FNDC3B: variants seen among roughly 807,000 people sequenced by gnomAD.
FNDC3B encodes fibronectin type III domain-containing protein 3B.
Under a neutral mutation model 151.5 loss-of-function variants are expected in FNDC3B, and 12 were observed. The ratio of observed to expected loss-of-function variants is 0.08; its 90% confidence interval spans 0.05 to 0.13. The LOEUF (loss-of-function observed/expected upper bound fraction) is 0.13, where lower values mean the gene tolerates loss of function less well. Ranked by LOEUF, FNDC3B falls within the 10% of genes least tolerant of loss-of-function variation. The pLI is 1.00. For synonymous variants in FNDC3B, 528 were observed against 549.0 expected (o/e 0.96, Z 0.54); for missense variants, 1,214 against 1,505.3 (o/e 0.81, Z 3.20).
chr3:172,289,548 T>C (rs1021379616), intron 7 of FNDC3B, among the ~76,000 whole-genome samples: 2 of 152,280 alleles, frequency 1.3e-5, no homozygotes, highest in African/African-American at 4.8e-5. Flanking sequence ...TAGTTGTTTA[T>C]GCAGTTTCTG....
intron 6 of FNDC3B, among the ~76,000 whole-genome samples, chr3:172,257,808 T>G (rs1211178042): frequency 6.6e-6 from 1 of 152,176 alleles, no homozygotes; most frequent in African/African-American, 2.4e-5. Context: ...ACCTACTGAA[T>G]ACAGGCTGTG....
intron 9 of FNDC3B, among the ~76,000 whole-genome samples, chr3:172,301,489 A>C (rs1158681206): frequency 6.6e-6 from 1 of 152,214 alleles, no homozygotes; most frequent in Non-Finnish European, 1.5e-5. Flanking sequence ...ATAAGGCCTC[A>C]AAAGGCCGTG....
chr3:172,117,248 G>C (rs1178890173), intron 2 of FNDC3B, among the ~76,000 whole-genome samples: 1 of 152,086 alleles, frequency 6.6e-6, no homozygotes, highest in African/African-American at 2.4e-5. Context: ...ATGCCTAATT[G>C]TATACTATTG....
chr3:172,249,046 G>A (rs1727932988), intron 5 of FNDC3B, among the ~76,000 whole-genome samples: 1 of 151,864 alleles, frequency 6.6e-6, no homozygotes, highest in South Asian at 2.1e-4. Context: ...AAAACATCAA[G>A]TATTGGGGAT....
intron 11 of FNDC3B, 84 bp from the exon 12 acceptor site, chr3:172,328,868 T>C: frequency 6.4e-6 from 7 of 1,101,522 alleles, no homozygotes; most frequent in Non-Finnish European, 8.8e-6. Flanking sequence ...ATTCAAGATG[T>C]TCAAGATGCT....
At chr3:172,233,179 G>A (rs1229284642) in intron 4 of FNDC3B, among the ~76,000 whole-genome samples, 1 of 152,122 alleles carries the variant, frequency 6.6e-6, no homozygotes, top group African/African-American at 2.4e-5. Flanking sequence ...AATGTTATAG[G>A]GAAAACTTCA....
At chr3:172,289,412 C>T (rs1025077162) in intron 7 of FNDC3B, among the ~76,000 whole-genome samples, 7 of 97,744 alleles carry the variant, frequency 7.2e-5, no homozygotes, top group African/African-American at 5.6e-4. Flanking sequence ...GTCCCTTTTG[C>T]CATATAAGGT....
At chr3:172,337,616 A>T in intron 16 of FNDC3B, 3 of 477,532 alleles carry the variant, frequency 6.3e-6, no homozygotes, top group South Asian at 3.2e-5. Context: ...GTGTTATTTA[A>T]CAATTTTTCT....
In FNDC3B at chr3:172,259,578, C is replaced by G. The variant is rs183120204; in HGVS notation, c.790+8037C>G. Among the ~76,000 whole-genome samples, 651 of 152,328 alleles carry G rather than the reference C, an allele frequency of 4.3e-3. 5 individuals are homozygous for G. The highest frequency in any genetic ancestry group is 6.3e-3 in the Non-Finnish European group (431 of 68,028). On this transcript the variant is annotated intron_variant, in intron 6 of 25. Transcript: ENST00000415807. ...GGAGAAATCAAACTGTGAATAACTACTTTTCTGTAAGACCCCTTTATGATG... is the reference window on the plus strand; with the variant it reads ...GGAGAAATCAAACTGTGAATAACTAGTTTTCTGTAAGACCCCTTTATGATG...
intron 3 of FNDC3B, among the ~76,000 whole-genome samples, chr3:172,183,741 G>A (rs370597818): frequency 1.3e-5 from 2 of 152,094 alleles, no homozygotes; most frequent in African/African-American, 2.4e-5. Context: ...AACTGTAGGC[G>A]GGATGTGTTT....
chr3:172,372,566 T>C (rs1054946383), intron 23 of FNDC3B, among the ~76,000 whole-genome samples: 6 of 152,184 alleles, frequency 3.9e-5, no homozygotes, highest in African/African-American at 1.4e-4. Flanking sequence ...CCAAATTAGA[T>C]GAGTGATTTA....
chr3:172,149,761 A>G (rs1415599932), intron 3 of FNDC3B, among the ~76,000 whole-genome samples: 1 of 146,554 alleles, frequency 6.8e-6, no homozygotes, highest in East Asian at 2.0e-4. Context: ...TGTTTTAATA[A>G]TTGCTACTTT....
intron 3 of FNDC3B, among the ~76,000 whole-genome samples, chr3:172,206,531 C>A (rs563135695): frequency 6.6e-6 from 1 of 151,634 alleles, no homozygotes; most frequent in African/African-American, 2.4e-5. Context: ...TGGTGGCGGG[C>A]GCCTGTAATC....
At chr3:172,255,595 C>T (rs111481173) in intron 6 of FNDC3B, among the ~76,000 whole-genome samples, 2,035 of 152,108 alleles carry the variant, frequency 0.013, 30 homozygotes, top group South Asian at 0.034. Flanking sequence ...TTAGTAAAGG[C>T]GGGGTTTTGC....
At chr3:172,394,198 G>A (rs992187347) in intron 25 of FNDC3B, among the ~76,000 whole-genome samples, 3 of 141,554 alleles carry the variant, frequency 2.1e-5, no homozygotes, top group Non-Finnish European at 4.6e-5. Context: ...ACATCAAAAA[G>A]CAAGAGAGAT....
chr3:172,324,697 A>C (rs1732254443), intron 11 of FNDC3B, among the ~76,000 whole-genome samples: 1 of 152,218 alleles, frequency 6.6e-6, no homozygotes, highest in Non-Finnish European at 1.5e-5. Context: ...GCTCACAGAC[A>C]CTGGCAGTAG....
chr3:172,339,922 A>C (rs1289511357), intron 16 of FNDC3B, among the ~76,000 whole-genome samples: 1 of 152,222 alleles, frequency 6.6e-6, no homozygotes, highest in East Asian at 1.9e-4. Context: ...CTCTGTTGTG[A>C]ATCTAAACTA....
At chr3:172,335,996 A>C (rs1002146048) in intron 15 of FNDC3B, among the ~76,000 whole-genome samples, 3 of 152,188 alleles carry the variant, frequency 2.0e-5, no homozygotes, top group Non-Finnish European at 4.4e-5. Flanking sequence ...ATAAAAATCT[A>C]GATGTGCTTT....
chr3:172,195,742 T>C (rs1485556892), intron 3 of FNDC3B, among the ~76,000 whole-genome samples: 1 of 152,196 alleles, frequency 6.6e-6, no homozygotes, highest in Admixed American at 6.5e-5. Flanking sequence ...CAAGCCAGCC[T>C]GAGGAATAGG....
Sources: allele counts gnomAD v4.1 joint callset (sites outside exome capture counted in the v4.1 genomes callset), GRCh38; gene constraint gnomAD v4.1.1; transcripts MANE v1.5; gene names NCBI Gene and HGNC (gene_info 2026-07-23, HGNC 2026-07-21).